Variants in CRPPA observed in about 807,000 individuals in gnomAD.
CRPPA encodes D-ribitol-5-phosphate cytidylyltransferase.
In CRPPA, 43 loss-of-function variants were observed where a neutral mutation model predicts 52.0. The observed-to-expected ratio is 0.83, with a 90% confidence interval of 0.65 to 1.07. The LOEUF is 1.07. Among genes scored for constraint, CRPPA ranks in the 50% least tolerant of loss-of-function variants. The pLI is 0.00. For synonymous variants in CRPPA, 250 were observed against 203.5 expected, an observed-to-expected ratio of 1.23 and a Z score of -1.94; for missense variants, 629 against 551.7, an observed-to-expected ratio of 1.14 and a Z score of -1.40.
chr7:16,383,343 T>C (rs1270471903), intron 2 of CRPPA, among the ~76,000 whole-genome samples: 1 of 152,198 alleles, frequency 6.6e-6, no homozygotes, highest in African/African-American at 2.4e-5. Context: ...GTCTGATCGT[T>C]CCTCTGGAAT....
At chr7:16,415,585 C>T (rs750050060) in intron 1 of CRPPA, among the ~76,000 whole-genome samples, 1 of 152,160 alleles carries the variant, frequency 6.6e-6, no homozygotes, top group Non-Finnish European at 1.5e-5. Context: ...TATACTTTTT[C>T]AAGGTCGTAT....
At chr7:16,179,288 T>A (rs1781364927) in intron 9 of CRPPA, among the ~76,000 whole-genome samples, 1 of 152,134 alleles carries the variant, frequency 6.6e-6, no homozygotes, top group Non-Finnish European at 1.5e-5. Context: ...AGTTCAACTT[T>A]ATAAATGATA....
At chr7:16,319,170 G>C (rs1335623100) in intron 3 of CRPPA, among the ~76,000 whole-genome samples, 1 of 152,070 alleles carries the variant, frequency 6.6e-6, no homozygotes, top group African/African-American at 2.4e-5. Flanking sequence ...TGTTGCCCTG[G>C]AATTATAGCT....
chr7:16,246,645 A>T (rs925027509), intron 8 of CRPPA, among the ~76,000 whole-genome samples: 16 of 152,228 alleles, frequency 1.1e-4, no homozygotes, highest in African/African-American at 3.1e-4. Flanking sequence ...ATAAAGTAAC[A>T]TTAATTTTTT....
At position 16,162,822 on chromosome 7, in the gene CRPPA, G is replaced by C. The variant is rs186630898; in HGVS notation, c.1251+53244C>G. On this transcript the variant is annotated intron_variant, in intron 9 of 9. Coordinates refer to ENST00000407010, the MANE Select transcript of CRPPA (RefSeq NM_001101426.4). ...ATTGTGTGGGAGTCTAAGTCTCTTT[G>C]TAGGTCTCTAAGAACTTGCTTTATG... 7.6e-3 allele frequency among the ~76,000 whole-genome samples: 1,158 copies of C among 152,194 alleles called. 5 individuals are homozygous for C. The highest frequency in any genetic ancestry group is 0.012 in the Non-Finnish European group (802 of 68,012).
intron 4 of CRPPA, among the ~76,000 whole-genome samples, chr7:16,305,932 T>A (rs1407989511): frequency 2.0e-5 from 3 of 152,110 alleles, no homozygotes; most frequent in African/African-American, 7.2e-5. Context: ...AGACTAGACA[T>A]CCGAAATCAA....
At chr7:16,396,522 T>C (rs1461836091) in intron 2 of CRPPA, among the ~76,000 whole-genome samples, 1 of 152,190 alleles carries the variant, frequency 6.6e-6, no homozygotes, top group East Asian at 1.9e-4. Context: ...ACAAGATTCC[T>C]TAAAAATCTA....
At chr7:16,254,044 T>C (rs900839914) in intron 8 of CRPPA, among the ~76,000 whole-genome samples, 1 of 152,078 alleles carries the variant, frequency 6.6e-6, no homozygotes, top group Non-Finnish European at 1.5e-5. Flanking sequence ...TGAGATACCA[T>C]CTCACAGCAG....
At chr7:16,417,921 G>C (rs1195123291) in intron 1 of CRPPA, among the ~76,000 whole-genome samples, 1 of 152,200 alleles carries the variant, frequency 6.6e-6, no homozygotes, top group Admixed American at 6.5e-5. Context: ...TTGGGACAAT[G>C]AGAACTGTGC....
chr7:16,296,917 G>A (rs1784686026), intron 5 of CRPPA, among the ~76,000 whole-genome samples: 1 of 152,072 alleles, frequency 6.6e-6, no homozygotes, highest in South Asian at 2.1e-4. Flanking sequence ...CTTACTTATA[G>A]GATTATTCTT....
rs1781759177 is a variant in CRPPA, at chr7:16,089,072, T to G, written c.*2623A>C. 4.4e-6 allele frequency: 1 copy of G among 225,140 alleles called. No homozygotes were observed. Among genetic ancestry groups the G allele is most frequent in the African/African-American group, 2.2e-5 (1 of 45,726 alleles). 13.9% of individuals were successfully genotyped at this position (225,140 alleles called of 1,614,324 possible). A position where few individuals can be genotyped will look rare whatever the true frequency, so the allele number is the denominator to read the frequency against. On this transcript the variant is annotated 3_prime_UTR_variant, in exon 10 of 10. Coordinates refer to ENST00000407010, the MANE Select transcript of CRPPA (RefSeq NM_001101426.4). Reference sequence around the variant, plus strand: ...AGTCACATGATTTTGGCAAGGTAACTAAGATCCCTGAGCTCCAATTTCCTC... The same window carrying G: ...AGTCACATGATTTTGGCAAGGTAACGAAGATCCCTGAGCTCCAATTTCCTC...
intron 9 of CRPPA, among the ~76,000 whole-genome samples, chr7:16,193,834 G>C (rs1781667801): frequency 6.6e-6 from 1 of 152,046 alleles, no homozygotes; most frequent in South Asian, 2.1e-4. Context: ...AGTGTAAACA[G>C]GGCCAATTCA....
At chr7:16,250,450 A>G (rs1036636995) in intron 8 of CRPPA, among the ~76,000 whole-genome samples, 4 of 152,212 alleles carry the variant, frequency 2.6e-5, no homozygotes, top group Non-Finnish European at 4.4e-5. Context: ...AAATGAAGGA[A>G]AAAAGGTTAA....
intron 2 of CRPPA, among the ~76,000 whole-genome samples, chr7:16,390,468 G>A (rs1180014578): frequency 3.3e-5 from 5 of 152,022 alleles, no homozygotes; most frequent in Non-Finnish European, 5.9e-5. Flanking sequence ...TGACCCCCAC[G>A]TTGCCAAATC....
At chr7:16,415,822 T>A (rs1343170875) in intron 1 of CRPPA, among the ~76,000 whole-genome samples, 5 of 152,174 alleles carry the variant, frequency 3.3e-5, no homozygotes, top group Admixed American at 6.5e-5. Flanking sequence ...GAAACAAATG[T>A]ATGTGTAAGT....
intron 5 of CRPPA, among the ~76,000 whole-genome samples, chr7:16,293,664 C>T (rs575836842): frequency 2.6e-5 from 4 of 152,046 alleles, no homozygotes; most frequent in South Asian, 4.1e-4. Flanking sequence ...AAACCATACA[C>T]GCCCACACTG....
At chr7:16,218,525 G>C (rs1782396850) in intron 8 of CRPPA, among the ~76,000 whole-genome samples, 1 of 66,198 alleles carries the variant, frequency 1.5e-5, no homozygotes, top group Non-Finnish European at 2.9e-5. Context: ...AGACCCATCA[G>C]TGTGCTGTAT....
intron 4 of CRPPA, among the ~76,000 whole-genome samples, chr7:16,305,639 G>A (rs1323995994): frequency 2.0e-5 from 3 of 152,100 alleles, no homozygotes; most frequent in Admixed American, 1.3e-4. Flanking sequence ...AGGCCAAGAC[G>A]GGCAGATCAC....
At chr7:16,385,513 C>T (rs1787237486) in intron 2 of CRPPA, among the ~76,000 whole-genome samples, 1 of 152,140 alleles carries the variant, frequency 6.6e-6, no homozygotes, top group Non-Finnish European at 1.5e-5. Flanking sequence ...AAAAATATCT[C>T]ATATCCAGCA....
Sources: allele counts gnomAD v4.1 joint callset (sites outside exome capture counted in the v4.1 genomes callset), GRCh38; gene constraint gnomAD v4.1.1; transcripts MANE v1.5; gene names NCBI Gene and HGNC (gene_info 2026-07-23, HGNC 2026-07-21).